DAG1: variants seen among roughly 807,000 people sequenced by gnomAD.
DAG1 encodes the protein dystroglycan 1 (dystrophin-associated glycoprotein 1).
DAG1 carries 8 observed loss-of-function variants against 46.1 expected under a neutral mutation model. The ratio of observed to expected loss-of-function variants is 0.17; its 90% CI spans 0.10 to 0.31. The LOEUF is 0.31. Ranked by LOEUF, DAG1 falls within the 10% of genes least tolerant of loss-of-function variation. The probability of loss-of-function intolerance (pLI) is 1.00; values close to 1 mark genes in which losing one functional copy is unlikely to be tolerated. For synonymous variants in DAG1, 495 were observed against 481.8 expected, an observed-to-expected ratio of 1.03 and a Z score of -0.36; for missense variants, 1,003 against 1,189.9, an observed-to-expected ratio of 0.84 and a Z score of 2.31.
At chr3:49,482,019 A>G (rs1040721440) in intron 1 of DAG1, among the ~76,000 whole-genome samples, 1 of 152,186 alleles carries the variant, frequency 6.6e-6, no homozygotes, top group Non-Finnish European at 1.5e-5. Context: ...CTATTTTCAT[A>G]CCATTTACAT....
At chr3:49,518,473 T>C (rs930718840) in intron 2 of DAG1, among the ~76,000 whole-genome samples, 3 of 152,224 alleles carry the variant, frequency 2.0e-5, no homozygotes, top group Admixed American at 6.5e-5. Flanking sequence ...TCTGTTGATA[T>C]ACCCAACAAA....
At chr3:49,478,455 A>AAAAAAAG (rs2049755688) in intron 1 of DAG1, among the ~76,000 whole-genome samples, 1 of 146,626 alleles carries the variant, frequency 6.8e-6, no homozygotes, top group Non-Finnish European at 1.5e-5. Context: ...AAAAAAAAAA[A>AAAAAAAG]TTAGTTGAGT....
chr3:49,517,327 T>A (rs904338547), intron 2 of DAG1, among the ~76,000 whole-genome samples: 1 of 152,126 alleles, frequency 6.6e-6, no homozygotes, highest in African/African-American at 2.4e-5. Context: ...GTATATAAGG[T>A]CTTATCTTCA....
intron 2 of DAG1, among the ~76,000 whole-genome samples, chr3:49,512,575 A>T (rs1188356633): frequency 6.6e-6 from 1 of 150,838 alleles, no homozygotes; most frequent in African/African-American, 2.4e-5. Flanking sequence ...TATTTTTAGT[A>T]CTGACGGGGT....
intron 1 of DAG1, among the ~76,000 whole-genome samples, chr3:49,502,533 T>C (rs2050480647): frequency 6.6e-6 from 1 of 151,944 alleles, no homozygotes; most frequent in Non-Finnish European, 1.5e-5. Flanking sequence ...TGGAACAAGG[T>C]AGTAGAGAGG....
At chr3:49,515,314 G>C (rs1453675511) in intron 2 of DAG1, among the ~76,000 whole-genome samples, 1 of 148,566 alleles carries the variant, frequency 6.7e-6, no homozygotes, top group Non-Finnish European at 1.5e-5. Flanking sequence ...TGTAGCTTGA[G>C]TATTTTTTTA....
At chr3:49,483,296 C>T (rs1237105516) in intron 1 of DAG1, among the ~76,000 whole-genome samples, 1 of 151,516 alleles carries the variant, frequency 6.6e-6, no homozygotes, top group African/African-American at 2.4e-5. Flanking sequence ...CTCTGCCTCC[C>T]AGATTCAAGT....
At chr3:49,513,572 C>T (rs1405146092) in intron 2 of DAG1, among the ~76,000 whole-genome samples, 1 of 152,054 alleles carries the variant, frequency 6.6e-6, no homozygotes, top group Non-Finnish European at 1.5e-5. Context: ...GGTGGACCTC[C>T]CCTTCAGCCT....
intron 2 of DAG1, among the ~76,000 whole-genome samples, chr3:49,527,235 C>G (rs1038813369): frequency 1.3e-5 from 2 of 148,740 alleles, no homozygotes; most frequent in East Asian, 4.0e-4. Flanking sequence ...ACTAAAAATA[C>G]GAAAAATTGC....
At chr3:49,511,031 C>T in intron 2 of DAG1, 1 of 933,882 alleles carries the variant, frequency 1.1e-6, no homozygotes, top group Non-Finnish European at 1.3e-6. Flanking sequence ...ATTCTGAGGG[C>T]ATCACCATGT....
At chr3:49,530,647 G>A (rs1365869261) in intron 2 of DAG1, 150 bp from the exon 3 acceptor site, 2 of 1,127,020 alleles carry the variant, frequency 1.8e-6, no homozygotes, top group Admixed American at 2.0e-5. Context: ...AAACTCAGTT[G>A]TGTCTCTCTA....
intron 1 of DAG1, among the ~76,000 whole-genome samples, chr3:49,485,346 G>C (rs1165403765): frequency 6.6e-6 from 1 of 152,116 alleles, no homozygotes; most frequent in Admixed American, 6.6e-5. Flanking sequence ...CAACCTTTTG[G>C]AGACAAAAGG....
At chr3:49,512,544 A>T (rs1333248417) in intron 2 of DAG1, among the ~76,000 whole-genome samples, 1 of 151,536 alleles carries the variant, frequency 6.6e-6, no homozygotes, top group African/African-American at 2.4e-5. Flanking sequence ...GGTGCGCACC[A>T]CCATGCCCGG....
In DAG1 at chr3:49,532,935, G is replaced by T; in HGVS notation, c.2424G>T (p.Lys808Asn). The change falls in exon 3 of 3, where the codon AAG (lysine) becomes AAT (asparagine). Residue 808 changes from lysine (K) to asparagine (N), a missense_variant. Physicochemically the swap from Lys to Asn is moderately conservative, Grantham distance 94. Around this residue, in one of 3 missense-constraint regions of DAG1, gnomAD observed 755 missense variants for 854.1 expected, o/e 0.88. Transcript: ENST00000308775. The surrounding 1 kb of genome is among the most constrained non-coding windows in gnomAD (Gnocchi z 5.4). ...IIFADELDDS[K>N]PPPSSSMPLI... ...TTGCAGACGAACTGGACGACTCCAAGCCCCCACCCTCCTCCAGCATGCCAC... is the reference window on the plus strand; with the variant it reads ...TTGCAGACGAACTGGACGACTCCAATCCCCCACCCTCCTCCAGCATGCCAC... The T allele has an allele frequency of 6.2e-7, 1 of 1,614,078 alleles. No individual in the cohort carries two copies. Among genetic ancestry groups the T allele is most frequent in the Non-Finnish European group, 8.5e-7 (1 of 1,180,020 alleles).
chr3:49,494,541 G>A (rs1206766601), intron 1 of DAG1, among the ~76,000 whole-genome samples: 5 of 152,044 alleles, frequency 3.3e-5, no homozygotes, highest in African/African-American at 4.8e-5. Context: ...TTAATCTTTC[G>A]TAGTGTAATG....
chr3:49,493,650 A>G (rs2050242849), intron 1 of DAG1, among the ~76,000 whole-genome samples: 1 of 152,186 alleles, frequency 6.6e-6, no homozygotes, highest in African/African-American at 2.4e-5. Flanking sequence ...TGAACTGGAC[A>G]TATCTCCAGG....
At chr3:49,528,577 G>A (rs1419967151) in intron 2 of DAG1, among the ~76,000 whole-genome samples, 1 of 151,856 alleles carries the variant, frequency 6.6e-6, no homozygotes, top group Admixed American at 6.6e-5. Flanking sequence ...GAGCCACCAC[G>A]CCCAGCCAAT....
rs765191278 is a variant in DAG1, at chr3:49,510,798, C to T, written c.264C>T (p.Ala88=). The change falls in exon 2 of 3, where the codon GCC becomes GCT. Residue 88 remains alanine (A), a synonymous_variant. Transcript: ENST00000308775. Reference sequence around the variant, plus strand: ...TGACCATTCCAACAGATTTGATTGCCTCCAGTGGAGATATCATCAAGGTGA... The same window carrying T: ...TGACCATTCCAACAGATTTGATTGCTTCCAGTGGAGATATCATCAAGGTGA... The part of the protein sequence containing the change: ...FRVTIPTDLI[A]SSGDIIKVSA... 2 of 1,614,152 alleles carry T rather than the reference C, an allele frequency of 1.2e-6. No individual in the cohort carries two copies. The highest frequency in any genetic ancestry group is 2.2e-5 in the East Asian group (1 of 44,888).
intron 1 of DAG1, among the ~76,000 whole-genome samples, chr3:49,489,098 CTTTTTTTTTTT>C (rs562212219): frequency 2.1e-5 from 3 of 140,218 alleles, no homozygotes; most frequent in Non-Finnish European, 4.7e-5. Context: ...TGTGAATTAC[CTTTTTTTTTTT>C]TTTGAGACAC....
Sources: allele counts gnomAD v4.1 joint callset (sites outside exome capture counted in the v4.1 genomes callset), GRCh38; gene constraint gnomAD v4.1.1; regional missense constraint gnomAD v4.1.1; non-coding constraint Gnocchi (gnomAD v3.1); transcripts MANE v1.5; gene names NCBI Gene and HGNC (gene_info 2026-07-23, HGNC 2026-07-21).